SUCLG2: variants seen among roughly 807,000 people sequenced by gnomAD.
The protein encoded by SUCLG2 is succinate--CoA ligase [GDP-forming] subunit beta, mitochondrial.
SUCLG2 carries 42 observed loss-of-function variants against 47.9 expected under a neutral mutation model. That is an observed-to-expected ratio of 0.88 (90% CI 0.69 to 1.14). SUCLG2 has a LOEUF of 1.14. SUCLG2 is among the 50% of genes most tolerant of loss of function. SUCLG2 has a pLI of 0.00. For synonymous variants in SUCLG2, 195 were observed against 197.3 expected, an observed-to-expected ratio of 0.99 and a Z score of 0.10; for missense variants, 571 against 525.9, an observed-to-expected ratio of 1.09 and a Z score of -0.84.
At chr3:67,367,903 A>G (rs1701897167) in intron 10 of SUCLG2, among the ~76,000 whole-genome samples, 1 of 152,218 alleles carries the variant, frequency 6.6e-6, no homozygotes, top group African/African-American at 2.4e-5. Context: ...GAATATATAT[A>G]AACACATTTA....
At chr3:67,428,240 G>A (rs558474285) in intron 9 of SUCLG2, among the ~76,000 whole-genome samples, 21 of 152,342 alleles carry the variant, frequency 1.4e-4, no homozygotes, top group African/African-American at 4.1e-4. Context: ...CCTCTGAGAC[G>A]AAACTTCCAG....
downstream of SUCLG2, among the ~76,000 whole-genome samples, chr3:67,371,489 T>C (rs1037357648): frequency 2.6e-5 from 4 of 152,178 alleles, no homozygotes; most frequent in East Asian, 1.9e-4. Flanking sequence ...GTTATAGATG[T>C]TGGGAAGGCA....
At chr3:67,599,417 A>G (rs1231066128) in intron 2 of SUCLG2, among the ~76,000 whole-genome samples, 5 of 152,246 alleles carry the variant, frequency 3.3e-5, no homozygotes, top group African/African-American at 1.2e-4. Context: ...ACAGTGAGTT[A>G]AAACTGAATC....
chr3:67,506,526 A>C (rs1232025816), intron 7 of SUCLG2, among the ~76,000 whole-genome samples: 1 of 152,238 alleles, frequency 6.6e-6, no homozygotes, highest in Non-Finnish European at 1.5e-5. Flanking sequence ...ATTAAAAATC[A>C]AACTTCAGAC....
At chr3:67,599,192 G>C (rs1307121611) in intron 2 of SUCLG2, among the ~76,000 whole-genome samples, 1 of 152,198 alleles carries the variant, frequency 6.6e-6, no homozygotes, top group Non-Finnish European at 1.5e-5. Flanking sequence ...CTTGCCTAGG[G>C]TTGTGAAGCT....
intron 9 of SUCLG2, among the ~76,000 whole-genome samples, chr3:67,474,927 A>G (rs538458288): frequency 2.0e-5 from 3 of 151,916 alleles, no homozygotes; most frequent in Admixed American, 6.6e-5. Context: ...TACTTTCCCA[A>G]CCCTCAGAAT....
chr3:67,559,775 A>G (rs1020756767), intron 2 of SUCLG2, among the ~76,000 whole-genome samples: 1 of 152,126 alleles, frequency 6.6e-6, no homozygotes, highest in African/African-American at 2.4e-5. Context: ...CAATAAAACT[A>G]CTCTGTATAA....
In SUCLG2 at chr3:67,394,641, G is replaced by C. The variant is rs989194309; in HGVS notation, c.1183+6090C>G. On this transcript the variant is annotated intron_variant, in intron 10 of 10. Coordinates refer to ENST00000307227, the MANE Select transcript of SUCLG2 (RefSeq NM_003848.4). Reference sequence around the variant, plus strand: ...GAACTTCCCCAATCTAGCAAGGCAGGACAACATTCAGATTCAGGAAATACA... The same window carrying C: ...GAACTTCCCCAATCTAGCAAGGCAGCACAACATTCAGATTCAGGAAATACA... Among the ~76,000 whole-genome samples, 4 of 151,838 alleles carry C rather than the reference G, an allele frequency of 2.6e-5. 1 individual carries two copies. The highest frequency in any genetic ancestry group is 4.2e-4 in the South Asian group (2 of 4,790).
intron 2 of SUCLG2, among the ~76,000 whole-genome samples, chr3:67,563,941 C>G (rs1174938139): frequency 8.2e-6 from 1 of 121,982 alleles, no homozygotes; most frequent in African/African-American, 3.2e-5. Context: ...GCCTGGACAA[C>G]AGAGTGAGAC....
At chr3:67,589,051 C>T (rs891287669) in intron 2 of SUCLG2, among the ~76,000 whole-genome samples, 11 of 152,192 alleles carry the variant, frequency 7.2e-5, no homozygotes, top group African/African-American at 2.4e-4. Flanking sequence ...TGATGCCATG[C>T]CTCCATGATC....
chr3:67,542,747 G>C (rs1706752240), intron 2 of SUCLG2, among the ~76,000 whole-genome samples: 1 of 152,166 alleles, frequency 6.6e-6, no homozygotes, highest in African/African-American at 2.4e-5. Context: ...TAATGATAAA[G>C]GGACCAATGC....
chr3:67,416,312 T>C (rs1375705990), intron 9 of SUCLG2, among the ~76,000 whole-genome samples: 2 of 152,236 alleles, frequency 1.3e-5, no homozygotes, highest in Admixed American at 6.5e-5. Flanking sequence ...GAATAAAATG[T>C]ATATGCTTTT....
chr3:67,614,968 G>A lies in SUCLG2; in HGVS notation c.85-5372C>T, dbSNP rs553880988. ...TGGGGTAGGTGGGCACCTAGGTTTT[G>A]TTCCCTTTGGACTTGTACAATATCC... On this transcript the variant is annotated intron_variant, in intron 1 of 10. Transcript: ENST00000307227. Among the ~76,000 whole-genome samples the A allele has an allele frequency of 3.9e-5, 6 of 152,250 alleles. No individual in the cohort carries two copies. In the East Asian group the frequency reaches 7.7e-4, roughly 20 times the overall value.
At position 67,529,171 on chromosome 3, in the gene SUCLG2, A is replaced by G; in HGVS notation, c.242T>C (p.Val81Ala). 1 of 1,610,078 alleles carries G rather than the reference A, an allele frequency of 6.2e-7. No homozygotes were observed. Among genetic ancestry groups the G allele is most frequent in the Non-Finnish European group, 8.5e-7 (1 of 1,179,066 alleles). Residue 81 changes from valine (V) to alanine (A), a missense_variant, in exon 3 of 11, where the codon GTT becomes GCT. Physicochemically the swap from Val to Ala is moderately conservative, Grantham distance 64. Coordinates refer to ENST00000307227, the MANE Select transcript of SUCLG2 (RefSeq NM_003848.4). ...TCCAGCTAAGATCTGGGCTTTTAAA[A>G]CAATTTCTTTTGCATCTGAAAAAGA... ...AAKRLNAKEI[V>A]LKAQILAGGR...
intron 8 of SUCLG2, among the ~76,000 whole-genome samples, chr3:67,496,572 T>C (rs947939312): frequency 5.3e-5 from 8 of 152,184 alleles, no homozygotes; most frequent in African/African-American, 1.4e-4. Flanking sequence ...AAAAACAATA[T>C]TCTTATCCCC....
intron 9 of SUCLG2, among the ~76,000 whole-genome samples, chr3:67,431,541 T>C (rs914001278): frequency 2.6e-5 from 4 of 152,128 alleles, no homozygotes; most frequent in Admixed American, 2.0e-4. Context: ...ATATACACCA[T>C]GGAATACTAT....
chr3:67,481,096 T>C (rs1704903247), intron 9 of SUCLG2, among the ~76,000 whole-genome samples: 1 of 152,238 alleles, frequency 6.6e-6, no homozygotes, highest in Non-Finnish European at 1.5e-5. Context: ...GATGAATGAA[T>C]TTTTAAAAAT....
At chr3:67,400,966 T>A in intron 9 of SUCLG2, 115 bp from the exon 10 acceptor site, 2 of 1,464,870 alleles carry the variant, frequency 1.4e-6, no homozygotes, top group Non-Finnish European at 1.8e-6. Flanking sequence ...TTTGTTTTTG[T>A]TTTATACAGA....
rs1182830198 is a variant in SUCLG2, at chr3:67,617,322, G to A, written c.85-7726C>T. ...GGCCTTAATACGATGACAACAGCAC[G>A]TCAACTTCTCTTTCAGCATGAAAAC... On this transcript the variant is annotated intron_variant, in intron 1 of 10. Coordinates refer to ENST00000307227, the MANE Select transcript of SUCLG2 (RefSeq NM_003848.4). Among the ~76,000 whole-genome samples the A allele has an allele frequency of 4.6e-5, 7 of 152,152 alleles. No individual in the cohort carries two copies. In the South Asian group the frequency reaches 6.2e-4, roughly 14 times the overall value.
Sources: allele counts gnomAD v4.1 joint callset (sites outside exome capture counted in the v4.1 genomes callset), GRCh38; gene constraint gnomAD v4.1.1; transcripts MANE v1.5; gene names NCBI Gene and HGNC (gene_info 2026-07-23, HGNC 2026-07-21).